The following ZNF730 variants were observed in gnomAD, a reference collection of about 807,000 sequenced individuals.
ZNF730 encodes zinc finger protein 730, also known as putative zinc finger protein 730.
ZNF730 carries 12 observed loss-of-function variants against 12.6 expected under a neutral mutation model. That is an observed-to-expected ratio of 0.95 (90% CI 0.61 to 1.54). ZNF730 has a LOEUF of 1.54. Among genes scored for constraint, ZNF730 ranks in the 40% most tolerant of loss-of-function variants. The pLI is 0.00. For missense variants in ZNF730, 643 were observed against 583.5 expected (o/e 1.10, Z -1.05); for synonymous variants, 194 against 195.8 (o/e 0.99, Z 0.08).
chr19:23,096,883 G>A (rs770945882), intron 1 of ZNF730, among the ~76,000 whole-genome samples: 7 of 152,282 alleles, frequency 4.6e-5, no homozygotes, highest in Admixed American at 1.3e-4. Context: ...CCTGGATTTA[G>A]CACCTAGGAA....
intron 1 of ZNF730, among the ~76,000 whole-genome samples, chr19:23,124,856 T>C (rs1970642215): frequency 6.6e-6 from 1 of 152,216 alleles, no homozygotes. Context: ...GTTCTTATCA[T>C]ACAGAAACTT....
chr19:23,094,336 G>A (rs1970210916), intron 1 of ZNF730, among the ~76,000 whole-genome samples: 1 of 149,702 alleles, frequency 6.7e-6, no homozygotes, highest in Admixed American at 6.7e-5. Flanking sequence ...GGAATTACAG[G>A]TGTGAGCCAC....
intron 1 of ZNF730, among the ~76,000 whole-genome samples, chr19:23,104,069 G>A (rs551310966): frequency 6.6e-6 from 1 of 152,226 alleles, no homozygotes; most frequent in Admixed American, 6.6e-5. Flanking sequence ...CCAGCACTTT[G>A]GGAGGCCAAG....
chr19:23,134,311 TC>T lies in ZNF730; in HGVS notation c.130+106del, dbSNP rs1457681715. ...TCCCGGGTTTTTTTCTTTTTCTTTT[TC>T]TTTTTTTTTTTAAGTCCTCAGGATT... On this transcript the variant is annotated intron_variant, in intron 2 of 3. Transcript: ENST00000597761. The T allele has an allele frequency of 3.7e-6, 4 of 1,073,344 alleles. No homozygotes were observed. The Admixed American group carries it at 8.7e-5, about 23-fold the overall frequency. 66.5% of individuals were successfully genotyped at this position (1,073,344 alleles called of 1,614,324 possible). A position where few individuals can be genotyped will look rare whatever the true frequency, so the allele number is the denominator to read the frequency against.
chr19:23,081,621 A>C (rs1969968194), intron 1 of ZNF730, among the ~76,000 whole-genome samples: 1 of 151,888 alleles, frequency 6.6e-6, no homozygotes, highest in African/African-American at 2.4e-5. Context: ...CACCTGGCTA[A>C]TTTTTGTATT....
In ZNF730 at chr19:23,145,394, G is replaced by A. The variant is rs754631364; in HGVS notation, c.350G>A (p.Cys117Tyr). 1 of 1,589,948 alleles carries A rather than the reference G, an allele frequency of 6.3e-7. No homozygotes were observed. Among genetic ancestry groups the A allele is most frequent in the South Asian group, 1.1e-5 (1 of 88,334 alleles). The change falls in exon 4 of 4, where the codon TGT becomes TAT. Residue 117 changes from cysteine to tyrosine, a missense_variant. By Grantham distance (194) the Cys-to-Tyr change is radical. Transcript: ENST00000597761. ...GAGAATTTACTGTTAAGAAAAGGCT[G>A]TAAAAATGTGGATGAGTTTAAGATG... ...RHENLLLRKG[C>Y]KNVDEFKMHK...
chr19:23,117,091 G>A lies in ZNF730; in HGVS notation c.-83G>A. The A allele has an allele frequency of 1.2e-6, 2 of 1,606,142 alleles. No individual in the cohort carries two copies. Among genetic ancestry groups the A allele is most frequent in the South Asian group, 1.1e-5 (1 of 90,878 alleles). ...GTCTGCTTTGTGTCCTCTGCACGTA[G>A]AAGCCCAGCCTGTGTGGCCCTGCGA... On this transcript the variant is annotated 5_prime_UTR_variant, in exon 1 of 4. Coordinates refer to ENST00000597761, the MANE Select transcript of ZNF730 (RefSeq NM_001277403.2).
intron 3 of ZNF730, among the ~76,000 whole-genome samples, chr19:23,141,706 G>A (rs1970923418): frequency 6.6e-6 from 1 of 151,850 alleles, no homozygotes; most frequent in African/African-American, 2.4e-5. Flanking sequence ...GTCATATAAA[G>A]TAATTTATAC....
At chr19:23,106,192 G>A (rs538041839) in intron 1 of ZNF730, among the ~76,000 whole-genome samples, 11 of 151,856 alleles carry the variant, frequency 7.2e-5, no homozygotes, top group African/African-American at 2.7e-4. Flanking sequence ...GAAGGAGGAG[G>A]AGAAAAGGAA....
intron 1 of ZNF730, among the ~76,000 whole-genome samples, chr19:23,086,176 G>C (rs1970061913): frequency 6.6e-6 from 1 of 152,072 alleles, no homozygotes; most frequent in Admixed American, 6.6e-5. Context: ...TTTATGTCTT[G>C]TAAATTTGTT....
intron 1 of ZNF730, among the ~76,000 whole-genome samples, chr19:23,077,923 G>A (rs1282060000): frequency 6.6e-6 from 1 of 152,160 alleles, no homozygotes; most frequent in Non-Finnish European, 1.5e-5. Context: ...AGGTTTAATG[G>A]ATTTAGGGCT....
intron 1 of ZNF730, among the ~76,000 whole-genome samples, chr19:23,086,729 G>A (rs1295647436): frequency 1.3e-5 from 2 of 152,118 alleles, no homozygotes; most frequent in Admixed American, 1.3e-4. Context: ...GATGCCTCCA[G>A]CTTTGCTATT....
upstream of ZNF730, chr19:23,116,830 A>C: frequency 2.2e-6 from 1 of 453,494 alleles, no homozygotes; most frequent in Non-Finnish European, 4.0e-6. Flanking sequence ...GTCTCAGTTC[A>C]GGGAGGAAGT....
intron 3 of ZNF730, among the ~76,000 whole-genome samples, chr19:23,143,241 T>A (rs1340910816): frequency 2.0e-5 from 3 of 151,720 alleles, no homozygotes; most frequent in African/African-American, 7.3e-5. Context: ...CGAGACTCCG[T>A]CTCAAAAAAG....
chr19:23,127,503 C>G (rs1202354124), intron 1 of ZNF730: 1 of 975,428 alleles, frequency 1.0e-6, no homozygotes, highest in East Asian at 2.4e-5. Flanking sequence ...TCAAAATCAG[C>G]TCTTGGTGGT....
intron 1 of ZNF730, among the ~76,000 whole-genome samples, chr19:23,109,294 A>G (rs1970432846): frequency 6.6e-6 from 1 of 151,906 alleles, no homozygotes; most frequent in African/African-American, 2.4e-5. Flanking sequence ...CAGTGGTGCA[A>G]TCTTGGCTCA....
In ZNF730 at chr19:23,139,587, C is replaced by T. The variant is rs373905415; in HGVS notation, c.226+3544C>T. ...TTTCCCAGGCTGGAGTGCAGTGGCA[C>T]GATCTCGGCTCCCTGCAACATCCAC... On this transcript the variant is annotated intron_variant, in intron 3 of 3. Coordinates refer to ENST00000597761, the MANE Select transcript of ZNF730 (RefSeq NM_001277403.2). Among the ~76,000 whole-genome samples the T allele has an allele frequency of 2.1e-4, 32 of 152,170 alleles. No individual in the cohort carries two copies. In the East Asian group the frequency reaches 5.0e-3, roughly 24 times the overall value.
intron 1 of ZNF730, among the ~76,000 whole-genome samples, chr19:23,121,774 C>T (rs1312603737): frequency 6.6e-6 from 1 of 152,190 alleles, no homozygotes; most frequent in African/African-American, 2.4e-5. Context: ...CCAGTGTCTA[C>T]TGAAGTTCAG....
At chr19:23,139,434 T>C (rs944956141) in intron 3 of ZNF730, among the ~76,000 whole-genome samples, 4 of 152,186 alleles carry the variant, frequency 2.6e-5, no homozygotes, top group Non-Finnish European at 5.9e-5. Context: ...TACTACCATA[T>C]AGTGGATGCC....
Sources: gnomAD v4.1 joint callset for allele counts (sites outside exome capture counted in the v4.1 genomes callset) on GRCh38, gnomAD v4.1.1 for gene constraint, MANE v1.5 for transcripts, NCBI Gene and HGNC (gene_info 2026-07-23, HGNC 2026-07-21) for gene names.